The following OR2C1 variants were observed in gnomAD, a reference collection of about 807,000 sequenced individuals.
The protein encoded by OR2C1 is olfactory receptor family 2 subfamily C member 1, also known as olfactory receptor 2C1.
For missense variants in OR2C1, 468 were observed against 388.3 expected, an observed-to-expected ratio of 1.21 and a Z score of -1.73; for synonymous variants, 209 against 167.3, an observed-to-expected ratio of 1.25 and a Z score of -1.92.
At chr16:3,341,905 G>A in the OR2C1 span, among the ~76,000 whole-genome samples, 14 of 152,142 alleles carry the variant, frequency 9.2e-5, no homozygotes, top group African/African-American at 3.1e-4. Context: ...GCATGTCTTG[G>A]TCTTTCTTTC....
At chr16:3,328,242 C>T in the OR2C1 span, among the ~76,000 whole-genome samples, 1 of 152,208 alleles carries the variant, frequency 6.6e-6, no homozygotes, top group Non-Finnish European at 1.5e-5. Flanking sequence ...CATAATTTAT[C>T]AGTGTGGTCT....
At chr16:3,338,309 C>T in the OR2C1 span, among the ~76,000 whole-genome samples, 1 of 152,102 alleles carries the variant, frequency 6.6e-6, no homozygotes, top group Non-Finnish European at 1.5e-5. Context: ...ATGATGCTTC[C>T]TGTGTGTTGA....
chr16:3,337,584 G>T, the OR2C1 span, among the ~76,000 whole-genome samples: 182 of 152,000 alleles, frequency 1.2e-3, no homozygotes, highest in Non-Finnish European at 1.9e-3. Context: ...CAAGATTCCT[G>T]TTTGATTTTT....
Position 3,355,903 on chromosome 16 carries a change from G to T in OR2C1, c.-38G>T. ...CTTGACTTTTCTTCCAGCAGCTTGCGCTAAATGAATTCATCAAGTGACTGA... is the reference window on the plus strand; with the variant it reads ...CTTGACTTTTCTTCCAGCAGCTTGCTCTAAATGAATTCATCAAGTGACTGA... On this transcript the variant is annotated 5_prime_UTR_variant, in exon 1 of 1. Coordinates refer to ENST00000304936, the MANE Select transcript of OR2C1 (RefSeq NM_012368.3). The T allele has an allele frequency of 1.4e-6, 2 of 1,469,790 alleles. No homozygotes were observed. The highest frequency in any genetic ancestry group is 2.6e-5 in the South Asian group (2 of 78,290). The allele number at this position is 1,469,790 out of a possible 1,614,324, so 91.0% of individuals were successfully genotyped here.
At chr16:3,341,813 C>T in the OR2C1 span, among the ~76,000 whole-genome samples, 5 of 152,214 alleles carry the variant, frequency 3.3e-5, no homozygotes, top group East Asian at 1.9e-4. Context: ...ATGATGTAGG[C>T]GCGATTGATT....
At chr16:3,323,808 CCTT>C in the OR2C1 span, 3 of 906,876 alleles carry the variant, frequency 3.3e-6, no homozygotes, top group Non-Finnish European at 5.2e-6. Flanking sequence ...TTCCGCTGCT[CCTT>C]CTTTGCCAAA....
chr16:3,324,325 C>T, the OR2C1 span, among the ~76,000 whole-genome samples: 17 of 152,190 alleles, frequency 1.1e-4, no homozygotes, highest in African/African-American at 3.9e-4. Context: ...AAGTAGCTGG[C>T]ACCACAGGTG....
the OR2C1 span, chr16:3,324,021 A>G: frequency 9.0e-6 from 4 of 442,560 alleles, no homozygotes; most frequent in Middle Eastern, 1.2e-3. Context: ...TTTGCCCATG[A>G]TTTGTACAAT....
chr16:3,350,436 G>T, the OR2C1 span, among the ~76,000 whole-genome samples: 1 of 148,244 alleles, frequency 6.7e-6, no homozygotes, highest in African/African-American at 2.5e-5. Context: ...TTTTGAGATG[G>T]AGTCTTGCTC....
chr16:3,347,698 A>T, the OR2C1 span, among the ~76,000 whole-genome samples: 1 of 152,142 alleles, frequency 6.6e-6, no homozygotes, highest in Non-Finnish European at 1.5e-5. Flanking sequence ...CAATATGCCT[A>T]GGATGTTCTT....
At chr16:3,353,130 T>C (rs189093946), upstream of OR2C1, among the ~76,000 whole-genome samples, 601 of 152,152 alleles carry the variant, frequency 4.0e-3, 1 homozygote, top group Non-Finnish European at 6.5e-3. Flanking sequence ...GAAGAACTTC[T>C]GAAAAGAAAG....
chr16:3,349,118 C>T, the OR2C1 span, among the ~76,000 whole-genome samples: 2 of 152,108 alleles, frequency 1.3e-5, no homozygotes, highest in Non-Finnish European at 2.9e-5. Context: ...TCCACCACCC[C>T]CCTCCCCCAC....
rs1342025742 is a variant in OR2C1 at position 3,356,482 on chromosome 16, T to A, written c.542T>A (p.Val181Glu). The A allele has an allele frequency of 6.2e-7, 1 of 1,613,966 alleles. No individual in the cohort carries two copies. The highest frequency in any genetic ancestry group is 8.5e-7 in the Non-Finnish European group (1 of 1,180,044). Reference protein sequence around the residue: ...HRRVEGFLCEVPAMIKLACGD... With the variant: ...HRRVEGFLCEEPAMIKLACGD... Reference sequence around the variant, plus strand: ...AGGGTGGAGGGATTCCTCTGCGAGGTGCCTGCCATGATCAAACTGGCCTGT... The same window carrying A: ...AGGGTGGAGGGATTCCTCTGCGAGGAGCCTGCCATGATCAAACTGGCCTGT... Residue 181 changes from valine (V) to glutamate (E), a missense_variant, in exon 1 of 1, where the codon GTG becomes GAG. Val to Glu is a moderately radical substitution (Grantham distance 121). Transcript: ENST00000304936.
At chr16:3,333,509 G>A in the OR2C1 span, among the ~76,000 whole-genome samples, 1 of 151,800 alleles carries the variant, frequency 6.6e-6, no homozygotes, top group Non-Finnish European at 1.5e-5. Flanking sequence ...CTAGTTTTTT[G>A]TATTTTTAGT....
chr16:3,352,495 T>C (rs970218703), upstream of OR2C1, among the ~76,000 whole-genome samples: 74 of 152,346 alleles, frequency 4.9e-4, no homozygotes, highest in African/African-American at 1.6e-3. Context: ...TGAATGTTTT[T>C]AAACTTACTG....
the OR2C1 span, chr16:3,323,492 A>C: frequency 1.4e-6 from 1 of 736,746 alleles, no homozygotes; most frequent in Non-Finnish European, 2.5e-6. Context: ...GACAGACTTC[A>C]GATTTGGAAA....
the OR2C1 span, among the ~76,000 whole-genome samples, chr16:3,335,520 C>CTTT: frequency 1.9e-3 from 103 of 55,438 alleles, 1 homozygote; most frequent in African/African-American, 2.2e-3. Flanking sequence ...AATGCTACTG[C>CTTT]TTTTTTTTTT....
At chr16:3,327,546 C>G in the OR2C1 span, among the ~76,000 whole-genome samples, 1 of 151,626 alleles carries the variant, frequency 6.6e-6, no homozygotes, top group Non-Finnish European at 1.5e-5. Context: ...CCTGGAGTAT[C>G]CATTTATGAG....
the OR2C1 span, among the ~76,000 whole-genome samples, chr16:3,347,110 A>G: frequency 0.87 from 130,840 of 150,530 alleles, 56,896 homozygotes; most frequent in East Asian, 0.94. Flanking sequence ...AGCTGGGCAC[A>G]GTGGTGCGTG....
Sources: gnomAD v4.1 joint callset for allele counts (sites outside exome capture counted in the v4.1 genomes callset) on GRCh38, gnomAD v4.1.1 for gene constraint, MANE v1.5 for transcripts, NCBI Gene and HGNC (gene_info 2026-07-23, HGNC 2026-07-21) for gene names.